RANBP2: variants seen among roughly 807,000 people sequenced by gnomAD.
RANBP2 encodes E3 SUMO-protein ligase RanBP2.
Under a neutral mutation model 303.6 loss-of-function variants are expected in RANBP2, and 57 were observed. The ratio of observed to expected loss-of-function variants is 0.19; its 90% CI spans 0.15 to 0.23. RANBP2 has a LOEUF of 0.23. RANBP2 is among the 10% of genes least tolerant of loss of function. The probability of loss-of-function intolerance (pLI) is 1.00; values close to 1 mark genes in which losing one functional copy is unlikely to be tolerated. For synonymous variants in RANBP2, 1,167 were observed against 1,301.5 expected, an observed-to-expected ratio of 0.90 and a Z score of 2.23; for missense variants, 3,138 against 3,780.8, an observed-to-expected ratio of 0.83 and a Z score of 4.46.
chr2:109,171,054 GT>G, the RANBP2 span, among the ~76,000 whole-genome samples: 1 of 152,192 alleles, frequency 6.6e-6, no homozygotes, highest in African/African-American at 2.4e-5. Context: ...CTGTGTCCTG[GT>G]TTGGTTCATG....
chr2:108,960,758 G>T, the RANBP2 span, among the ~76,000 whole-genome samples: 1 of 152,090 alleles, frequency 6.6e-6, no homozygotes, highest in African/African-American at 2.4e-5. Context: ...ACTATGTATA[G>T]ATATATAGAT....
the RANBP2 span, among the ~76,000 whole-genome samples, chr2:108,972,301 G>A: frequency 6.6e-6 from 1 of 152,228 alleles, no homozygotes; most frequent in Non-Finnish European, 1.5e-5. Flanking sequence ...TAGCCATGCC[G>A]GCCCAGTTCT....
chr2:108,856,504 A>T, the RANBP2 span, among the ~76,000 whole-genome samples: 1 of 152,234 alleles, frequency 6.6e-6, no homozygotes, highest in Non-Finnish European at 1.5e-5. Flanking sequence ...CATTCGTGAT[A>T]CTAATAGGCA....
the RANBP2 span, among the ~76,000 whole-genome samples, chr2:109,551,325 A>C: frequency 6.6e-6 from 1 of 152,272 alleles, no homozygotes; most frequent in Admixed American, 6.5e-5. Flanking sequence ...TTAATATAGA[A>C]TTAAATAATG....
At chr2:109,295,829 G>A in the RANBP2 span, among the ~76,000 whole-genome samples, 3 of 152,170 alleles carry the variant, frequency 2.0e-5, no homozygotes, top group Non-Finnish European at 4.4e-5. Flanking sequence ...GGCACTCCCT[G>A]CACGGGCATC....
At chr2:108,927,211 C>A in the RANBP2 span, among the ~76,000 whole-genome samples, 2 of 152,240 alleles carry the variant, frequency 1.3e-5, no homozygotes. Flanking sequence ...GGGTCCCTTG[C>A]CTGCCCAGCA....
the RANBP2 span, among the ~76,000 whole-genome samples, chr2:108,939,133 G>A: frequency 1.3e-5 from 2 of 151,914 alleles, no homozygotes; most frequent in Non-Finnish European, 2.9e-5. Context: ...AACATGATAG[G>A]AGCCACTCTT....
the RANBP2 span, chr2:109,794,852 C>G: frequency 1.9e-4 from 27 of 142,420 alleles, no homozygotes; most frequent in Admixed American, 5.3e-4. Flanking sequence ...CGCTCCTGGG[C>G]CCGTCCTGGC....
chr2:109,073,732 A>G, the RANBP2 span, among the ~76,000 whole-genome samples: 4 of 150,328 alleles, frequency 2.7e-5, no homozygotes, highest in East Asian at 7.7e-4. Context: ...AGATACCTTT[A>G]AAAACTAATG....
the RANBP2 span, among the ~76,000 whole-genome samples, chr2:109,646,027 C>T: frequency 6.6e-6 from 1 of 152,234 alleles, no homozygotes; most frequent in Non-Finnish European, 1.5e-5. Context: ...TGAAGCCTGA[C>T]ACCAGCTGAG....
the RANBP2 span, chr2:109,594,894 T>G: frequency 1.4e-5 from 2 of 144,382 alleles, no homozygotes; most frequent in Admixed American, 6.9e-5. Context: ...TAACAATGTG[T>G]TTTTTTTTTT....
At chr2:108,912,901 T>C in the RANBP2 span, 2 of 748,050 alleles carry the variant, frequency 2.7e-6, no homozygotes, top group Admixed American at 2.0e-5. Flanking sequence ...TAAATATTTG[T>C]ATTTCTTAGA....
At chr2:109,635,527 C>T in the RANBP2 span, among the ~76,000 whole-genome samples, 1 of 152,154 alleles carries the variant, frequency 6.6e-6, no homozygotes, top group Non-Finnish European at 1.5e-5. Flanking sequence ...AATCCAACAC[C>T]CATCAAGCAC....
At chr2:108,922,352 G>A in the RANBP2 span, among the ~76,000 whole-genome samples, 9 of 152,356 alleles carry the variant, frequency 5.9e-5, no homozygotes, top group East Asian at 1.7e-3. Flanking sequence ...CCGAGCTGCG[G>A]CCTCCTCTAA....
the RANBP2 span, among the ~76,000 whole-genome samples, chr2:109,409,718 C>T: frequency 6.6e-6 from 1 of 152,026 alleles, no homozygotes; most frequent in Non-Finnish European, 1.5e-5. Flanking sequence ...TCGAGAGGCA[C>T]GCGGGGCCTC....
At chr2:109,453,607 C>G in the RANBP2 span, among the ~76,000 whole-genome samples, 1 of 152,208 alleles carries the variant, frequency 6.6e-6, no homozygotes, top group Non-Finnish European at 1.5e-5. Context: ...ACTTGTGCCC[C>G]AATCCCTGAC....
chr2:109,709,966 A>G, the RANBP2 span, among the ~76,000 whole-genome samples: 2 of 151,964 alleles, frequency 1.3e-5, no homozygotes, highest in South Asian at 2.1e-4. Context: ...GCATGCCTGT[A>G]ATCCCAACTA....
the RANBP2 span, among the ~76,000 whole-genome samples, chr2:108,979,610 G>C: frequency 6.6e-6 from 1 of 152,128 alleles, no homozygotes; most frequent in Non-Finnish European, 1.5e-5. Flanking sequence ...ATGCTGCTGA[G>C]GTGCAGGGCT....
At chr2:109,418,043 G>A in the RANBP2 span, among the ~76,000 whole-genome samples, 10 of 151,924 alleles carry the variant, frequency 6.6e-5, no homozygotes, top group East Asian at 7.7e-4. Flanking sequence ...AGTGCCTTTC[G>A]CTCACCTGAG....
Sources: gnomAD v4.1 joint callset for allele counts (sites outside exome capture counted in the v4.1 genomes callset) on GRCh38, gnomAD v4.1.1 for gene constraint, MANE v1.5 for transcripts, NCBI Gene and HGNC (gene_info 2026-07-23, HGNC 2026-07-21) for gene names.